MPV17L2: variants seen among roughly 807,000 people sequenced by gnomAD.
MPV17L2 encodes MPV17 mitochondrial inner membrane protein like 2.
Under a neutral mutation model 24.2 loss-of-function variants are expected in MPV17L2, and 25 were observed. The observed-to-expected ratio is 1.03, with a 90% confidence interval of 0.75 to 1.44. The LOEUF (loss-of-function observed/expected upper bound fraction) is 1.44. Ranked by LOEUF, MPV17L2 falls within the 40% of genes most tolerant of loss-of-function variation. The pLI is 0.00. For missense variants in MPV17L2, 271 were observed against 276.2 expected (o/e 0.98, Z 0.13); for synonymous variants, 130 against 121.4 (o/e 1.07, Z -0.46).
Position 18,195,991 on chromosome 19 carries a change from G to A in MPV17L2, c.565-8G>A, listed in dbSNP as rs1967511254. On this transcript the variant is annotated splice_polypyrimidine_tract_variant and splice_region_variant and intron_variant, in intron 4 of 4. Coordinates refer to ENST00000599612, the MANE Select transcript of MPV17L2 (RefSeq NM_032683.3). ...CTTCTGACCAGATGCCTTGTCTTGT[G>A]TGGACAGAGCCCAGTTCCTCTGACA... is the stretch of plus-strand genomic sequence containing the variant. 2 of 1,602,524 alleles carry A rather than the reference G, an allele frequency of 1.2e-6. No individual in the cohort carries two copies. The highest frequency in any genetic ancestry group is 1.7e-6 in the Non-Finnish European group (2 of 1,172,916).
Position 18,196,265 on chromosome 19 carries a change from C to T in MPV17L2, c.*210C>T, listed in dbSNP as rs1321706938. On this transcript the variant is annotated 3_prime_UTR_variant, in exon 5 of 5. Coordinates refer to ENST00000599612, the MANE Select transcript of MPV17L2 (RefSeq NM_032683.3). ...GAACACACCCATGAAGATGGATGAT[C>T]ATCCCCTAGCCCTTCTCAGCAGGAA... 6.6e-7 allele frequency: 1 copy of T among 1,512,302 alleles called. No homozygotes were observed. 93.7% of individuals were successfully genotyped at this position (1,512,302 alleles called of 1,614,324 possible). A position where few individuals can be genotyped will look rare whatever the true frequency, so the allele number is the denominator to read the frequency against.
rs1224508853 is a variant in MPV17L2 at position 18,196,402 on chromosome 19, C to G, written c.*347C>G. 9.9e-6 allele frequency: 13 copies of G among 1,319,188 alleles called. No homozygotes were observed. The highest frequency in any genetic ancestry group is 1.3e-5 in the Non-Finnish European group (13 of 1,008,272). 81.7% of individuals were successfully genotyped at this position (1,319,188 alleles called of 1,614,324 possible). ...GCCATCCACCTGGCTCTGGGCCAAGCCACCAATCCAGAGCTCCCTCAGGTC... is the reference window on the plus strand; with the variant it reads ...GCCATCCACCTGGCTCTGGGCCAAGGCACCAATCCAGAGCTCCCTCAGGTC... On this transcript the variant is annotated 3_prime_UTR_variant, in exon 5 of 5. Coordinates refer to ENST00000599612, the MANE Select transcript of MPV17L2 (RefSeq NM_032683.3).
intron 2 of MPV17L2, chr19:18,194,261 G>A (rs748944164): frequency 3.6e-6 from 2 of 559,086 alleles, no homozygotes; most frequent in Non-Finnish European, 6.4e-6. Context: ...CTGGGCGGGA[G>A]GTTGAGAGCA....
chr19:18,194,737 C>T lies in MPV17L2; in HGVS notation c.359-40C>T, dbSNP rs368055313. 1.7e-5 allele frequency: 27 copies of T among 1,552,860 alleles called. No homozygotes were observed. In the African/African-American group the frequency reaches 2.4e-4, roughly 14 times the overall value. ...CCATCTTGTCGTCTCAACAGTACTTCCTGGCCTCTAACACTCTCATTTCTT... is the reference window on the plus strand; with the variant it reads ...CCATCTTGTCGTCTCAACAGTACTTTCTGGCCTCTAACACTCTCATTTCTT... On this transcript the variant is annotated intron_variant, in intron 2 of 4. Transcript: ENST00000599612.
At position 18,194,850 on chromosome 19, in the gene MPV17L2, C is replaced by A; in HGVS notation, c.432C>A (p.Tyr144Ter). The change falls in exon 3 of 5, where the codon TAC (tyrosine) becomes TAA (stop). Residue 144 changes from tyrosine (Y) to a stop codon, truncating the protein, a stop_gained. Coordinates refer to ENST00000599612, the MANE Select transcript of MPV17L2 (RefSeq NM_032683.3). LOFTEE classifies it high-confidence loss of function. Reference sequence around the variant, plus strand: ...TGCGGGAGAAGTTCTGGGAATTCTACAAGGTGGGAGCACCCGCCCCTTGCA... The same window carrying A: ...TGCGGGAGAAGTTCTGGGAATTCTAAAAGGTGGGAGCACCCGCCCCTTGCA... ...QELREKFWEF[Y>*]KADWCVWPAA... The A allele has an allele frequency of 6.2e-7, 1 of 1,605,124 alleles. No homozygotes were observed. The highest frequency in any genetic ancestry group is 8.5e-7 in the Non-Finnish European group (1 of 1,176,636).
intron 2 of MPV17L2, 56 bp from the exon 3 acceptor site, chr19:18,194,721 C>G (rs1190821570): frequency 6.7e-7 from 1 of 1,490,920 alleles, no homozygotes; most frequent in Non-Finnish European, 9.2e-7. Context: ...CCCATCTTGT[C>G]GTCTCAACAG....
chr19:18,194,295 T>A, intron 2 of MPV17L2: 1 of 521,408 alleles, frequency 1.9e-6, no homozygotes, highest in Non-Finnish European at 3.5e-6. Flanking sequence ...GGGACCACAC[T>A]CAGTTGAGAC....
In MPV17L2 at chr19:18,194,021, C is replaced by T. The variant is rs1204910576; in HGVS notation, c.345C>T (p.Val115=). ...TGGTAGCCTCTCCATTGCTGGGCGTCTGGTACTTCTTGGGTAAGGAGCCTC... is the reference window on the plus strand; with the variant it reads ...TGGTAGCCTCTCCATTGCTGGGCGTTTGGTACTTCTTGGGTAAGGAGCCTC... ...DQLVASPLLG[V]WYFLGLGCLE... is the part of the protein sequence containing the mutation. Residue 115 remains valine, a synonymous_variant, in exon 2 of 5, where the codon GTC becomes GTT. Coordinates refer to ENST00000599612, the MANE Select transcript of MPV17L2 (RefSeq NM_032683.3). 6.2e-7 allele frequency: 1 copy of T among 1,614,072 alleles called. No homozygotes were observed. The highest frequency in any genetic ancestry group is 2.2e-5 in the East Asian group (1 of 44,888).
Position 18,193,478 on chromosome 19 carries a change from C to A in MPV17L2, c.187+10C>A. The A allele has an allele frequency of 6.6e-7, 1 of 1,504,870 alleles. No individual in the cohort carries two copies. Among genetic ancestry groups the A allele is most frequent in the South Asian group, 1.3e-5 (1 of 76,842 alleles). 93.2% of individuals were successfully genotyped at this position (1,504,870 alleles called of 1,614,324 possible). Reference sequence around the variant, plus strand: ...GACCCACGGCGCTCCGGTGAGGACGCCACGCTGCTTAGTCCTTCACCCCGG... The same window carrying A: ...GACCCACGGCGCTCCGGTGAGGACGACACGCTGCTTAGTCCTTCACCCCGG... On this transcript the variant is annotated intron_variant, in intron 1 of 4. Transcript: ENST00000599612.
intron 1 of MPV17L2, 103 bp from the exon 2 acceptor site, chr19:18,193,761 G>C (rs1967464363): frequency 6.6e-7 from 1 of 1,524,936 alleles, no homozygotes; most frequent in Admixed American, 2.1e-5. Flanking sequence ...CTGAGGCTCC[G>C]GGATGGCATT....
intron 4 of MPV17L2, 22 bp downstream of exon 4, chr19:18,195,108 G>A: frequency 6.2e-7 from 1 of 1,610,642 alleles, no homozygotes; most frequent in Admixed American, 1.7e-5. Flanking sequence ...GGGCATACCA[G>A]GCACCCAGGG....
rs1000830764 is a variant in MPV17L2, at chr19:18,194,419, G to T, written c.359-358G>T. Among the ~76,000 whole-genome samples the T allele has an allele frequency of 3.3e-5, 5 of 152,140 alleles. No homozygotes were observed. The South Asian group carries it at 1.0e-3, about 31-fold the overall frequency. On this transcript the variant is annotated intron_variant, in intron 2 of 4. Transcript: ENST00000599612. ...GTGCAACCGTGCCAGCCCTAGGCTC[G>T]GTAAAGACAGCGGTATTAATAGAGG...
intron 4 of MPV17L2, 126 bp from the exon 5 acceptor site, chr19:18,195,873 G>C: frequency 1.2e-6 from 1 of 855,746 alleles, no homozygotes; most frequent in Non-Finnish European, 1.9e-6. Flanking sequence ...TCTGCTGTCT[G>C]ATGTGACCTC....
intron 1 of MPV17L2, 153 bp downstream of exon 1, chr19:18,193,621 C>G: frequency 2.1e-6 from 3 of 1,412,112 alleles, no homozygotes; most frequent in Non-Finnish European, 2.8e-6. Flanking sequence ...CCCCGCAGCT[C>G]TGGGTCTCCA....
chr19:18,196,478 T>C lies in MPV17L2; in HGVS notation c.*423T>C. The stretch of plus-strand genomic sequence containing the variant: ...GATCCCCTCAGAGCAGGCTCAGGCC[T>C]GGAGTCGGCCCCCAAAAGTTTCACA... On this transcript the variant is annotated 3_prime_UTR_variant, in exon 5 of 5. Coordinates refer to ENST00000599612, the MANE Select transcript of MPV17L2 (RefSeq NM_032683.3). 7.8e-7 allele frequency: 1 copy of C among 1,279,670 alleles called. No individual in the cohort carries two copies. The highest frequency in any genetic ancestry group is 1.0e-6 in the Non-Finnish European group (1 of 981,642). 79.3% of individuals were successfully genotyped at this position (1,279,670 alleles called of 1,614,324 possible).
chr19:18,194,182 G>T, intron 2 of MPV17L2, 148 bp downstream of exon 2: 1 of 818,156 alleles, frequency 1.2e-6, no homozygotes, highest in Non-Finnish European at 1.9e-6. Flanking sequence ...AGCGGGGACA[G>T]GACGGACTCG....
chr19:18,195,542 A>G (rs965418841), intron 4 of MPV17L2, among the ~76,000 whole-genome samples: 2 of 150,750 alleles, frequency 1.3e-5, no homozygotes, highest in Non-Finnish European at 3.0e-5. Flanking sequence ...TTTCAAAAAA[A>G]AAAGACCCAT....
At chr19:18,195,556 G>T (rs530789381) in intron 4 of MPV17L2, among the ~76,000 whole-genome samples, 1 of 150,156 alleles carries the variant, frequency 6.7e-6, no homozygotes, top group Non-Finnish European at 1.5e-5. Context: ...GACCCATGCC[G>T]GGCGCGGTGG....
intron 4 of MPV17L2, among the ~76,000 whole-genome samples, chr19:18,195,468 A>C (rs372507499): frequency 2.0e-5 from 3 of 151,906 alleles, no homozygotes; most frequent in East Asian, 3.9e-4. Flanking sequence ...CCCAGGAGGC[A>C]GAGGCTGCAG....
Sources: gnomAD v4.1 joint callset for allele counts (sites outside exome capture counted in the v4.1 genomes callset) on GRCh38, gnomAD v4.1.1 for gene constraint, MANE v1.5 for transcripts, NCBI Gene and HGNC (gene_info 2026-07-23, HGNC 2026-07-21) for gene names.